ADCY2: variants seen among roughly 807,000 people sequenced by gnomAD.
The protein encoded by ADCY2 is adenylate cyclase 2.
ADCY2 carries 31 observed loss-of-function variants against 125.2 expected under a neutral mutation model. The ratio of observed to expected loss-of-function variants is 0.25; its 90% CI spans 0.19 to 0.33. The LOEUF (loss-of-function observed/expected upper bound fraction) is 0.33, where lower values mean the gene tolerates loss of function less well. Among genes scored for constraint, ADCY2 ranks in the 10% least tolerant of loss-of-function variants. ADCY2 has a pLI of 1.00. For missense variants in ADCY2, 904 were observed against 1,418.2 expected (o/e 0.64, Z 5.82); for synonymous variants, 512 against 548.4 (o/e 0.93, Z 0.93).
chr5:7,733,828 T>G (rs1156795356), intron 14 of ADCY2, among the ~76,000 whole-genome samples: 2 of 152,206 alleles, frequency 1.3e-5, no homozygotes, highest in African/African-American at 4.8e-5. Flanking sequence ...AAGGTAGAAC[T>G]CTTCTTACTT....
At chr5:7,767,356 G>GAGTT (rs1430263506) in intron 17 of ADCY2, among the ~76,000 whole-genome samples, 1 of 152,038 alleles carries the variant, frequency 6.6e-6, no homozygotes, top group Non-Finnish European at 1.5e-5. Flanking sequence ...TCTAAGTGGA[G>GAGTT]AGTTAGGTCA....
chr5:7,788,050 T>G (rs1579436410), intron 19 of ADCY2, among the ~76,000 whole-genome samples: 1 of 152,228 alleles, frequency 6.6e-6, no homozygotes. Context: ...ATTTATTTTT[T>G]TTTTTAAATC....
At chr5:7,481,306 A>C (rs1742720198) in intron 2 of ADCY2, among the ~76,000 whole-genome samples, 3 of 152,060 alleles carry the variant, frequency 2.0e-5, no homozygotes, top group African/African-American at 7.2e-5. Flanking sequence ...TCCCTCTGTC[A>C]CCCAGGCTGG....
chr5:7,521,522 C>T (rs1203346215), intron 3 of ADCY2, among the ~76,000 whole-genome samples: 1 of 152,154 alleles, frequency 6.6e-6, no homozygotes, highest in Non-Finnish European at 1.5e-5. Context: ...TGGAGTTATT[C>T]CTAACATTCT....
At chr5:7,720,023 A>AG (rs1741708892) in intron 12 of ADCY2, among the ~76,000 whole-genome samples, 1 of 151,690 alleles carries the variant, frequency 6.6e-6, no homozygotes. Flanking sequence ...AAAAGAAAAA[A>AG]AAAGACCTTA....
intron 24 of ADCY2, among the ~76,000 whole-genome samples, chr5:7,822,794 C>T (rs533103852): frequency 2.0e-5 from 3 of 152,236 alleles, no homozygotes; most frequent in African/African-American, 7.2e-5. Flanking sequence ...AGTGGATTCA[C>T]GTTTCACCCC....
intron 4 of ADCY2, among the ~76,000 whole-genome samples, chr5:7,646,038 G>A (rs963347720): frequency 1.4e-4 from 22 of 152,026 alleles, no homozygotes; most frequent in Non-Finnish European, 2.6e-4. Context: ...TGCAACTTCC[G>A]CACATCTATT....
intron 3 of ADCY2, among the ~76,000 whole-genome samples, chr5:7,543,923 A>G (rs1015933690): frequency 6.8e-6 from 1 of 147,794 alleles, no homozygotes; most frequent in African/African-American, 2.5e-5. Flanking sequence ...CTGAGGCAGG[A>G]GAATGGCATG....
chr5:7,774,446 T>C (rs892834437), intron 18 of ADCY2, among the ~76,000 whole-genome samples: 2 of 152,256 alleles, frequency 1.3e-5, no homozygotes, highest in Admixed American at 6.5e-5. Flanking sequence ...TGTAGCATTA[T>C]TGATTTTCAC....
intron 10 of ADCY2, among the ~76,000 whole-genome samples, chr5:7,710,148 GT>G (rs1330843506): frequency 6.6e-6 from 1 of 152,180 alleles, no homozygotes; most frequent in Admixed American, 6.5e-5. Flanking sequence ...TGAAAGTGGA[GT>G]TTTTCAGTCG....
Position 7,526,031 on chromosome 5 carries a change from C to T in ADCY2, c.570+5132C>T, listed in dbSNP as rs147226358. Among the ~76,000 whole-genome samples the T allele has an allele frequency of 2.2e-4, 34 of 152,162 alleles. 1 individual carries two copies. Among genetic ancestry groups the T allele is most frequent in the Admixed American group, 7.2e-4 (11 of 15,270 alleles). ...CCTGTCCCAGCTCTGATACCCCTTG[C>T]GTGTGTGGCTGCCCCTCACCTGGGT... On this transcript the variant is annotated intron_variant, in intron 3 of 24. Transcript: ENST00000338316.
intron 2 of ADCY2, among the ~76,000 whole-genome samples, chr5:7,443,903 T>A (rs1741119683): frequency 6.6e-6 from 1 of 151,972 alleles, no homozygotes; most frequent in Non-Finnish European, 1.5e-5. Flanking sequence ...GTGTTGACTT[T>A]GTTTTAAATT....
rs1217344703 is a variant in ADCY2, at chr5:7,748,642, T to C, written c.1956+4890T>C. 2.0e-5 allele frequency among the ~76,000 whole-genome samples: 3 copies of C among 152,172 alleles called. No homozygotes were observed. In the South Asian group the frequency reaches 6.2e-4, roughly 32 times the overall value. On this transcript the variant is annotated intron_variant, in intron 15 of 24. Transcript: ENST00000338316. ...GGAGTAGAATCAGGAATGCAATGAC[T>C]ATGAGGTCTGCAAAGGCTTCCTATC...
rs1203870356 is a variant in ADCY2, at chr5:7,829,948, C to G, written c.*3077C>G. ...TAAGAAAATTAGCTTGGCATGGTGG[C>G]ACGTGCCTGTAGTCCCAGCTACATG... is the stretch of plus-strand genomic sequence containing the variant. On this transcript the variant is annotated 3_prime_UTR_variant, in exon 25 of 25. Coordinates refer to ENST00000338316, the MANE Select transcript of ADCY2 (RefSeq NM_020546.3). 1 of 152,106 alleles carries G rather than the reference C, an allele frequency of 6.6e-6. No individual in the cohort carries two copies. The highest frequency in any genetic ancestry group is 2.4e-5 in the African/African-American group (1 of 41,360). The allele number at this position is 152,106 out of a possible 1,614,324, so 9.4% of individuals were successfully genotyped here. A position where few individuals can be genotyped will look rare whatever the true frequency, so the allele number is the denominator to read the frequency against.
Position 7,772,858 on chromosome 5 carries a change from C to T in ADCY2, c.2215-74C>T, listed in dbSNP as rs183851977. The T allele has an allele frequency of 1.3e-3, 1,826 of 1,437,550 alleles. 3 individuals carry two copies. The highest frequency in any genetic ancestry group is 3.0e-3 in the Admixed American group (169 of 56,824). 89.0% of individuals were successfully genotyped at this position (1,437,550 alleles called of 1,614,324 possible). The stretch of plus-strand genomic sequence containing the variant: ...TTGACCAGATGAGATGGGCGGTGGT[C>T]CCCTGATTGTAATTGTTTCAGCATT... On this transcript the variant is annotated intron_variant, in intron 17 of 24. Coordinates refer to ENST00000338316, the MANE Select transcript of ADCY2 (RefSeq NM_020546.3).
rs1263186781 is a variant in ADCY2, at chr5:7,396,485, C to T, written c.189C>T (p.Ala63=). The T allele has an allele frequency of 2.6e-6, 4 of 1,567,158 alleles. No individual in the cohort carries two copies. The change falls in exon 1 of 25, where the codon GCC becomes GCT. Residue 63 remains alanine, a synonymous_variant. Coordinates refer to ENST00000338316, the MANE Select transcript of ADCY2 (RefSeq NM_020546.3). This position sits in a 1 kb window ranked among gnomAD's most constrained non-coding sequence, Gnocchi z 5.7. The part of the protein sequence containing the change: ...IVMGSCLALL[A]VFFALGLEVE... Reference sequence around the variant, plus strand: ...TGGGCTCCTGCCTCGCCCTGCTCGCCGTCTTCTTCGCGCTCGGGCTGGTGA... The same window carrying T: ...TGGGCTCCTGCCTCGCCCTGCTCGCTGTCTTCTTCGCGCTCGGGCTGGTGA...
rs550753523 is a variant in ADCY2, at chr5:7,439,150, C to A, written c.408+24380C>A. Among the ~76,000 whole-genome samples the A allele has an allele frequency of 2.0e-5, 3 of 152,216 alleles. No individual in the cohort carries two copies. In the South Asian group the frequency reaches 6.2e-4, roughly 32 times the overall value. On this transcript the variant is annotated intron_variant, in intron 2 of 24. Transcript: ENST00000338316. Reference sequence around the variant, plus strand: ...GTATGATCTTTTATTTTTAGAAAATCATTTTATAAAGAAGTAGAGTGTATT... The same window carrying A: ...GTATGATCTTTTATTTTTAGAAAATAATTTTATAAAGAAGTAGAGTGTATT...
chr5:7,651,135 A>T (rs960745193), intron 4 of ADCY2, among the ~76,000 whole-genome samples: 1 of 152,138 alleles, frequency 6.6e-6, no homozygotes, highest in South Asian at 2.1e-4. Context: ...CTTCTTTAAA[A>T]CTGTTTGTCC....
chr5:7,589,486 GAAAGAAAGAA>G (rs1736760676), intron 3 of ADCY2, among the ~76,000 whole-genome samples: 1 of 55,906 alleles, frequency 1.8e-5, no homozygotes, highest in Non-Finnish European at 4.5e-5. Flanking sequence ...AAGAAAGAAA[GAAAGAAAGAA>G]AGAAAGAAAG....
Sources: gnomAD v4.1 joint callset for allele counts (sites outside exome capture counted in the v4.1 genomes callset) on GRCh38, gnomAD v4.1.1 for gene constraint, Gnocchi (gnomAD v3.1) non-coding constraint, MANE v1.5 for transcripts, NCBI Gene and HGNC (gene_info 2026-07-23, HGNC 2026-07-21) for gene names.